Variants in PTPRM observed in about 807,000 individuals in gnomAD.
PTPRM encodes receptor-type tyrosine-protein phosphatase mu.
A neutral mutation model predicts 186.7 loss-of-function variants in PTPRM; 47 were observed. That is an observed-to-expected ratio of 0.25 (90% CI 0.20 to 0.32). The LOEUF is 0.32. Ranked by LOEUF, PTPRM falls within the 10% of genes least tolerant of loss-of-function variation. The pLI, the probability that PTPRM is intolerant of heterozygous loss-of-function variation, is 1.00. For missense variants in PTPRM, 1,494 were observed against 1,865.0 expected, an observed-to-expected ratio of 0.80 and a Z score of 3.66; for synonymous variants, 668 against 674.9, an observed-to-expected ratio of 0.99 and a Z score of 0.16.
intron 1 of PTPRM, among the ~76,000 whole-genome samples, chr18:7,772,790 G>T (rs1439025616): frequency 6.6e-6 from 1 of 151,972 alleles, no homozygotes; most frequent in Non-Finnish European, 1.5e-5. Flanking sequence ...CACACATTGT[G>T]GACATAATGT....
At chr18:7,937,240 C>CT (rs1208673893) in intron 5 of PTPRM, among the ~76,000 whole-genome samples, 1 of 152,236 alleles carries the variant, frequency 6.6e-6, no homozygotes, top group Non-Finnish European at 1.5e-5. Context: ...GAGAGAAGAC[C>CT]TACAGCCCTT....
At chr18:7,872,408 G>A (rs2048028445) in intron 2 of PTPRM, among the ~76,000 whole-genome samples, 2 of 151,882 alleles carry the variant, frequency 1.3e-5, no homozygotes, top group African/African-American at 4.8e-5. Context: ...TTATATTATT[G>A]TGCAGTTATT....
chr18:8,241,349 A>T (rs2094433118), intron 14 of PTPRM, among the ~76,000 whole-genome samples: 1 of 152,152 alleles, frequency 6.6e-6, no homozygotes, highest in African/African-American at 2.4e-5. Context: ...AACAAAAAAT[A>T]AAAAATTAAA....
chr18:7,688,574 A>G (rs973920622), intron 1 of PTPRM, among the ~76,000 whole-genome samples: 3 of 152,206 alleles, frequency 2.0e-5, no homozygotes, highest in Non-Finnish European at 4.4e-5. Flanking sequence ...GGCCTTCAGG[A>G]GTATTCCAAG....
intron 19 of PTPRM, among the ~76,000 whole-genome samples, chr18:8,280,594 G>C (rs1568657502): frequency 6.6e-6 from 1 of 152,142 alleles, no homozygotes; most frequent in South Asian, 2.1e-4. Flanking sequence ...GGCACATGTG[G>C]CTATTTAAAT....
At chr18:8,099,842 G>T (rs1159016398) in intron 11 of PTPRM, among the ~76,000 whole-genome samples, 1 of 152,186 alleles carries the variant, frequency 6.6e-6, no homozygotes, top group East Asian at 1.9e-4. Flanking sequence ...TCTCGGCTGG[G>T]ACATTTACTA....
At chr18:8,003,318 C>G (rs1679845930) in intron 7 of PTPRM, among the ~76,000 whole-genome samples, 1 of 152,168 alleles carries the variant, frequency 6.6e-6, no homozygotes, top group Non-Finnish European at 1.5e-5. Context: ...TTGCTTCCCA[C>G]CATGATTGTG....
At chr18:8,147,811 T>G (rs508834) in intron 14 of PTPRM, among the ~76,000 whole-genome samples, 152,033 of 152,286 alleles carry the variant, frequency 1, 75,890 homozygotes, top group South Asian at 1. Flanking sequence ...TTATTTCGGG[T>G]TGTGTTCCAC....
At chr18:8,267,624 T>C (rs2094717557) in intron 19 of PTPRM, among the ~76,000 whole-genome samples, 1 of 152,180 alleles carries the variant, frequency 6.6e-6, no homozygotes, top group Non-Finnish European at 1.5e-5. Flanking sequence ...TTTACCTCCA[T>C]TCCTTTCTAA....
chr18:8,026,908 A>G (rs890958616), intron 7 of PTPRM, among the ~76,000 whole-genome samples: 2 of 152,182 alleles, frequency 1.3e-5, no homozygotes, highest in African/African-American at 4.8e-5. Flanking sequence ...TTTTAAAAAC[A>G]TGACTCATTT....
intron 23 of PTPRM, among the ~76,000 whole-genome samples, chr18:8,357,236 C>T (rs686693): frequency 0.79 from 120,261 of 152,242 alleles, 47,999 homozygotes; most frequent in African/African-American, 0.86. Context: ...GCCATGTGAT[C>T]AGGTACCAGT....
At chr18:7,987,113 C>G (rs2083003692) in intron 7 of PTPRM, among the ~76,000 whole-genome samples, 1 of 152,106 alleles carries the variant, frequency 6.6e-6, no homozygotes. Flanking sequence ...AGCTGGTAAC[C>G]CCAACATGGG....
chr18:7,859,716 A>C (rs556437285), intron 2 of PTPRM, among the ~76,000 whole-genome samples: 38 of 152,308 alleles, frequency 2.5e-4, no homozygotes, highest in African/African-American at 8.9e-4. Context: ...TGTGGTGCAA[A>C]CATTGATGGT....
intron 7 of PTPRM, among the ~76,000 whole-genome samples, chr18:7,995,268 A>G (rs1389707454): frequency 1.3e-5 from 2 of 152,156 alleles, no homozygotes; most frequent in Non-Finnish European, 2.9e-5. Flanking sequence ...TAGCAATGAG[A>G]TTGAATCAGT....
chr18:7,700,196 A>C (rs2039931351), intron 1 of PTPRM, among the ~76,000 whole-genome samples: 1 of 152,238 alleles, frequency 6.6e-6, no homozygotes, highest in African/African-American at 2.4e-5. Flanking sequence ...TATGTATCTG[A>C]GATTGAAAAT....
At chr18:8,109,025 A>G (rs2091646408) in intron 11 of PTPRM, among the ~76,000 whole-genome samples, 1 of 152,076 alleles carries the variant, frequency 6.6e-6, no homozygotes, top group South Asian at 2.1e-4. Context: ...TGCTTTTTAA[A>G]ACTCTTTCTA....
At chr18:8,373,842 G>A (rs78055265) in intron 24 of PTPRM, among the ~76,000 whole-genome samples, 6,813 of 150,654 alleles carry the variant, frequency 0.045, 260 homozygotes, top group African/African-American at 0.1. Flanking sequence ...CCATGATTGC[G>A]CCATTGCACT....
intron 20 of PTPRM, among the ~76,000 whole-genome samples, chr18:8,312,008 G>A (rs2148010421): frequency 1.3e-5 from 2 of 152,298 alleles, no homozygotes; most frequent in Middle Eastern, 6.8e-3. Context: ...GGCCTGCTTA[G>A]ATTGCAAGGT....
chr18:7,835,607 G>T (rs1216521393), intron 2 of PTPRM, among the ~76,000 whole-genome samples: 3 of 152,104 alleles, frequency 2.0e-5, no homozygotes, highest in African/African-American at 7.2e-5. Context: ...GGTCTATGGT[G>T]CAGAATAAGT....
Sources: allele counts gnomAD v4.1 joint callset (sites outside exome capture counted in the v4.1 genomes callset), GRCh38; gene constraint gnomAD v4.1.1; transcripts MANE v1.5; gene names NCBI Gene and HGNC (gene_info 2026-07-23, HGNC 2026-07-21).